Variants in SGSM1 observed in about 807,000 individuals in gnomAD.
SGSM1 encodes RUN and TBC1 domain containing 2.
In SGSM1, 73 loss-of-function variants were observed where a neutral mutation model predicts 133.8. The ratio of observed to expected loss-of-function variants is 0.55; its 90% CI spans 0.45 to 0.66. The LOEUF (loss-of-function observed/expected upper bound fraction) is 0.66, where lower values mean the gene tolerates loss of function less well. Among genes scored for constraint, SGSM1 ranks in the 30% least tolerant of loss-of-function variants. SGSM1 has a pLI of 0.00. For missense variants in SGSM1, 1,213 were observed against 1,448.1 expected (o/e 0.84, Z 2.64); for synonymous variants, 563 against 573.0 (o/e 0.98, Z 0.25).
chr22:24,909,820 G>T (rs984514861), intron 21 of SGSM1, among the ~76,000 whole-genome samples: 1 of 152,094 alleles, frequency 6.6e-6, no homozygotes, highest in East Asian at 1.9e-4. Context: ...GTTATCATAC[G>T]ACCCAGCAAT....
chr22:24,821,638 C>G (rs575112503), intron 2 of SGSM1, among the ~76,000 whole-genome samples: 66 of 152,310 alleles, frequency 4.3e-4, no homozygotes, highest in African/African-American at 1.5e-3. Context: ...GATCCCATTG[C>G]AAAGGAGGCG....
intron 21 of SGSM1, among the ~76,000 whole-genome samples, chr22:24,906,138 A>T (rs934838562): frequency 6.6e-6 from 1 of 152,230 alleles, no homozygotes; most frequent in African/African-American, 2.4e-5. Context: ...TTAATTCACT[A>T]CATTACTAAA....
chr22:24,835,688 A>C (rs1929385186), intron 2 of SGSM1, among the ~76,000 whole-genome samples: 1 of 152,094 alleles, frequency 6.6e-6, no homozygotes. Flanking sequence ...TGCAGAGGAC[A>C]TGAGATGGGC....
intron 2 of SGSM1, among the ~76,000 whole-genome samples, chr22:24,841,100 T>A (rs1427339046): frequency 6.6e-6 from 1 of 152,350 alleles, no homozygotes; most frequent in East Asian, 1.9e-4. Flanking sequence ...TCCGCCCGCC[T>A]TGGCCTCCCA....
chr22:24,893,476 T>C lies in SGSM1; in HGVS notation c.1816T>C (p.Trp606Arg), dbSNP rs776069386. ...HACYAQTMAE[W>R]LGCEAIVRQR... The stretch of plus-strand genomic sequence containing the variant: ...CTGCTATGCACAGACCATGGCTGAG[T>C]GGCTGGGCTGCGAGGCGATCGTGCG... Residue 606 changes from tryptophan to arginine, a missense_variant, in exon 17 of 25, where the codon TGG becomes CGG. Trp to Arg is a moderately radical substitution (Grantham distance 101, BLOSUM62 -3). Transcript: ENST00000400358. 1.1e-5 allele frequency: 17 copies of C among 1,613,658 alleles called. No individual in the cohort carries two copies. The Admixed American group carries it at 2.8e-4, about 27-fold the overall frequency.
At chr22:24,876,757 G>A (rs767932065) in intron 13 of SGSM1, 42 bp downstream of exon 13, 1 of 1,612,682 alleles carries the variant, frequency 6.2e-7, no homozygotes, top group South Asian at 1.1e-5. Flanking sequence ...GCTGAAGGAT[G>A]TACCAGAGAT....
chr22:24,886,591 C>T lies in SGSM1; in HGVS notation c.1642-9C>T. 6.4e-7 allele frequency: 1 copy of T among 1,551,676 alleles called. No individual in the cohort carries two copies. The highest frequency in any genetic ancestry group is 8.7e-7 in the Non-Finnish European group (1 of 1,146,894). Reference sequence around the variant, plus strand: ...GACCAAACTCTTTGCTCCTCTCCACCCACCACAGAGTTACGAGGAGCAGGA... The same window carrying T: ...GACCAAACTCTTTGCTCCTCTCCACTCACCACAGAGTTACGAGGAGCAGGA... On this transcript the variant is annotated splice_polypyrimidine_tract_variant and intron_variant, in intron 15 of 24. Coordinates refer to ENST00000400358, the MANE Select transcript of SGSM1 (RefSeq NM_001098497.3).
intron 14 of SGSM1, among the ~76,000 whole-genome samples, chr22:24,883,196 G>C (rs751224686): frequency 6.6e-6 from 1 of 151,902 alleles, no homozygotes; most frequent in Non-Finnish European, 1.5e-5. Flanking sequence ...GAGCCACCGC[G>C]CACGGCCACC....
In SGSM1 at chr22:24,890,558, T is replaced by A. The variant is rs150054248; in HGVS notation, c.1771-2873T>A. 7.7e-3 allele frequency among the ~76,000 whole-genome samples: 1,167 copies of A among 152,228 alleles called. 7 individuals carry two copies. The highest frequency in any genetic ancestry group is 0.022 in the African/African-American group (911 of 41,536). ...TGTTTTTTTATTATTATTATTTTTT[T>A]GAGGTGGAGTCTCGCTCTGTTGCCC... On this transcript the variant is annotated intron_variant, in intron 16 of 24. Coordinates refer to ENST00000400358, the MANE Select transcript of SGSM1 (RefSeq NM_001098497.3).
chr22:24,917,100 C>T (rs1041536750), intron 22 of SGSM1, among the ~76,000 whole-genome samples: 1 of 150,506 alleles, frequency 6.6e-6, no homozygotes, highest in African/African-American at 2.4e-5. Flanking sequence ...GCTATGTTGC[C>T]CAGGCTGGTC....
At chr22:24,893,692 T>C in intron 17 of SGSM1, 79 bp downstream of exon 17, 1 of 1,390,234 alleles carries the variant, frequency 7.2e-7, no homozygotes, top group Non-Finnish European at 9.4e-7. Context: ...CTAAGAGTGG[T>C]GAAGACTGGG....
intron 19 of SGSM1, among the ~76,000 whole-genome samples, chr22:24,899,558 T>C (rs546178838): frequency 6.6e-6 from 1 of 150,734 alleles, no homozygotes; most frequent in East Asian, 1.9e-4. Flanking sequence ...GGTCTCGCTC[T>C]GTCACCTAGG....
chr22:24,859,023 T>TA (rs1323374126), intron 8 of SGSM1, among the ~76,000 whole-genome samples: 4 of 152,192 alleles, frequency 2.6e-5, no homozygotes, highest in African/African-American at 9.6e-5. Flanking sequence ...ATCAATGAAA[T>TA]ACTGCACTGC....
Position 24,877,802 on chromosome 22 carries a change from C to CTTTTTTTT in SGSM1, c.1430+1106_1430+1113dup, listed in dbSNP as rs36036968. On this transcript the variant is annotated intron_variant, in intron 13 of 24. Transcript: ENST00000400358. The stretch of plus-strand genomic sequence containing the variant: ...TAATATTACTGGAGATTCTTTCTTT[C>CTTTTTTTT]TTTTTTTTTTTTTTTTTTTTTTTTT... Among the ~76,000 whole-genome samples, 238 of 75,422 alleles carry CTTTTTTTT rather than the reference C, an allele frequency of 3.2e-3. 1 individual carries two copies. Among genetic ancestry groups the CTTTTTTTT allele is most frequent in the Non-Finnish European group, 4.2e-3 (176 of 41,542 alleles). 49.5% of individuals were successfully genotyped at this position (75,422 alleles called of 152,430 possible).
rs1932885838 is a variant in SGSM1 at position 24,895,216 on chromosome 22, T to C, written c.1954-7T>C. The C allele has an allele frequency of 8.4e-7, 1 of 1,184,414 alleles. No individual in the cohort carries two copies. Among genetic ancestry groups the C allele is most frequent in the Non-Finnish European group, 1.1e-6 (1 of 881,342 alleles). 73.4% of individuals were successfully genotyped at this position (1,184,414 alleles called of 1,614,324 possible). A position where few individuals can be genotyped will look rare whatever the true frequency, so the allele number is the denominator to read the frequency against. On this transcript the variant is annotated splice_polypyrimidine_tract_variant and splice_region_variant and intron_variant, in intron 17 of 24. Coordinates refer to ENST00000400358, the MANE Select transcript of SGSM1 (RefSeq NM_001098497.3). ...CCCTCCCTCCCTCCTGCTCTTTCTT[T>C]TCTCAGTCCTCCCAGAGCTGCAGTT...
intron 19 of SGSM1, among the ~76,000 whole-genome samples, chr22:24,900,413 T>TTCTTTCTTCTTTCTTTCTTTC (rs1555935573): frequency 1.4e-5 from 2 of 141,848 alleles, no homozygotes; most frequent in African/African-American, 5.9e-5. Context: ...CTTTCTGTAT[T>TTCTTTCTTCTTTCTTTCTTTC]TTTGAGACAG....
chr22:24,887,258 T>A (rs567252048), intron 16 of SGSM1, among the ~76,000 whole-genome samples: 17 of 152,176 alleles, frequency 1.1e-4, no homozygotes, highest in African/African-American at 4.1e-4. Context: ...ACCTCCCCCA[T>A]ACCCACACCC....
At chr22:24,852,824 T>TTA (rs1930560620) in intron 5 of SGSM1, among the ~76,000 whole-genome samples, 2 of 152,186 alleles carry the variant, frequency 1.3e-5, no homozygotes, top group Non-Finnish European at 2.9e-5. Flanking sequence ...ATTCTGCTGA[T>TTA]TTTTAGAAAC....
chr22:24,874,325 G>T (rs1225330324), intron 12 of SGSM1: 3 of 1,367,354 alleles, frequency 2.2e-6, no homozygotes, highest in African/African-American at 2.9e-5. Flanking sequence ...GAGGGTTGGA[G>T]CCCCCAGAAA....
Sources: allele counts gnomAD v4.1 joint callset (sites outside exome capture counted in the v4.1 genomes callset), GRCh38; gene constraint gnomAD v4.1.1; transcripts MANE v1.5; gene names NCBI Gene and HGNC (gene_info 2026-07-23, HGNC 2026-07-21).